PDS5B: variants seen among roughly 807,000 people sequenced by gnomAD.
PDS5B encodes PDS5 cohesin associated factor B.
Under a neutral mutation model 184.1 loss-of-function variants are expected in PDS5B, and 51 were observed. That is an observed-to-expected ratio of 0.28 (90% CI 0.22 to 0.35). PDS5B has a LOEUF of 0.35. Ranked by LOEUF, PDS5B falls within the 10% of genes least tolerant of loss-of-function variation. The pLI is 1.00. For missense variants in PDS5B, 1,180 were observed against 1,723.3 expected (o/e 0.68, Z 5.58); for synonymous variants, 566 against 569.2 (o/e 0.99, Z 0.08).
At chr13:32,604,155 G>T (rs947179481) in intron 1 of PDS5B, among the ~76,000 whole-genome samples, 1 of 152,156 alleles carries the variant, frequency 6.6e-6, no homozygotes, top group African/African-American at 2.4e-5. Context: ...TCTTGTGCCA[G>T]TTTTCGAAGA....
chr13:32,639,542 C>T (rs2058621726), intron 1 of PDS5B, among the ~76,000 whole-genome samples: 1 of 152,100 alleles, frequency 6.6e-6, no homozygotes. Flanking sequence ...GTAAACAGGG[C>T]TTTCAAGTTG....
At chr13:32,743,855 CA>C (rs1339997868) in intron 23 of PDS5B, among the ~76,000 whole-genome samples, 1 of 152,038 alleles carries the variant, frequency 6.6e-6, no homozygotes, top group Non-Finnish European at 1.5e-5. Context: ...TTAGGAGTTA[CA>C]AATAATAAGT....
intron 17 of PDS5B, 68 bp downstream of exon 17, chr13:32,701,506 T>C: frequency 1.1e-6 from 1 of 928,314 alleles, no homozygotes; most frequent in Non-Finnish European, 1.7e-6. Flanking sequence ...AATCAGTCAT[T>C]GTTGAGTGCC....
intron 1 of PDS5B, among the ~76,000 whole-genome samples, chr13:32,625,642 A>T (rs1235289068): frequency 6.6e-6 from 1 of 152,088 alleles, no homozygotes; most frequent in Non-Finnish European, 1.5e-5. Context: ...ATAATTTCTT[A>T]GGCTAGAGTT....
intron 18 of PDS5B, among the ~76,000 whole-genome samples, chr13:32,708,577 C>G (rs892224768): frequency 6.6e-6 from 1 of 152,086 alleles, no homozygotes; most frequent in African/African-American, 2.4e-5. Context: ...TATATAATCC[C>G]ATCAGTAGTA....
intron 1 of PDS5B, among the ~76,000 whole-genome samples, chr13:32,606,619 G>A (rs540836186): frequency 1.8e-4 from 28 of 152,234 alleles, no homozygotes; most frequent in African/African-American, 5.1e-4. Context: ...GGCCTGCCTC[G>A]CTAGGTTGGG....
chr13:32,765,665 AC>A (rs1954560730), intron 31 of PDS5B, among the ~76,000 whole-genome samples: 1 of 152,192 alleles, frequency 6.6e-6, no homozygotes, highest in East Asian at 1.9e-4. Flanking sequence ...GTGCAGTGGC[AC>A]GATCTGGGCT....
chr13:32,673,832 A>G (rs1452293723), intron 8 of PDS5B, among the ~76,000 whole-genome samples: 2 of 150,694 alleles, frequency 1.3e-5, no homozygotes, highest in Admixed American at 6.6e-5. Context: ...TTTTTTTGAG[A>G]CAGGATTTTT....
chr13:32,674,027 C>G (rs1320084956), intron 8 of PDS5B, among the ~76,000 whole-genome samples: 2 of 151,946 alleles, frequency 1.3e-5, no homozygotes, highest in Non-Finnish European at 2.9e-5. Flanking sequence ...GTTGGCCAGG[C>G]TGATTTCAAA....
intron 11 of PDS5B, among the ~76,000 whole-genome samples, chr13:32,685,117 A>AAAAACAT (rs1339040630): frequency 6.6e-6 from 1 of 152,226 alleles, no homozygotes; most frequent in Non-Finnish European, 1.5e-5. Flanking sequence ...CCGTCTCAAA[A>AAAAACAT]AAAACATTGT....
chr13:32,732,401 A>G (rs1224133866), intron 20 of PDS5B, among the ~76,000 whole-genome samples, 177 bp downstream of exon 20: 2 of 152,184 alleles, frequency 1.3e-5, no homozygotes, highest in Non-Finnish European at 2.9e-5. Flanking sequence ...TGAGTATTCA[A>G]ATGTTTAATG....
intron 10 of PDS5B, among the ~76,000 whole-genome samples, chr13:32,682,867 G>T (rs1489381939): frequency 6.6e-6 from 1 of 152,088 alleles, no homozygotes; most frequent in Non-Finnish European, 1.5e-5. Flanking sequence ...ATAAGCTTGT[G>T]TATTGTTTTC....
At position 32,678,926 on chromosome 13, in the gene PDS5B, A is replaced by T; in HGVS notation, c.1054A>T (p.Thr352Ser). ...CCATCCTGATTTAGCAAAAGACTTA[A>T]CAGGTACTATATATATGTAACAGCA... ...MNHPDLAKDL[T>S]EYLKVRSHDP... is the part of the protein sequence containing the mutation. The change falls in exon 10 of 35, where the codon ACA becomes TCA. Residue 352 changes from threonine to serine, a missense_variant. Thr to Ser is a moderately conservative substitution (Grantham distance 58). Transcript: ENST00000315596. 6.6e-7 allele frequency: 1 copy of T among 1,512,348 alleles called. No homozygotes were observed. The highest frequency in any genetic ancestry group is 9.2e-7 in the Non-Finnish European group (1 of 1,087,236). 93.7% of individuals were successfully genotyped at this position (1,512,348 alleles called of 1,614,324 possible).
intron 14 of PDS5B, among the ~76,000 whole-genome samples, chr13:32,695,716 C>G (rs1465973691): frequency 6.6e-6 from 1 of 151,986 alleles, no homozygotes; most frequent in Non-Finnish European, 1.5e-5. Flanking sequence ...TTGATTCTCA[C>G]TGTTCCTCTA....
At chr13:32,734,260 C>T (rs984414512) in intron 20 of PDS5B, among the ~76,000 whole-genome samples, 2 of 152,066 alleles carry the variant, frequency 1.3e-5, no homozygotes, top group African/African-American at 4.8e-5. Flanking sequence ...CTCCTGACCT[C>T]AGGTGATCTG....
intron 17 of PDS5B, among the ~76,000 whole-genome samples, chr13:32,703,128 A>G (rs1951910241): frequency 6.6e-6 from 1 of 152,136 alleles, no homozygotes; most frequent in African/African-American, 2.4e-5. Flanking sequence ...TGTGCTTCCT[A>G]CTTGTACATG....
At chr13:32,621,972 A>G (rs1216909675) in intron 1 of PDS5B, among the ~76,000 whole-genome samples, 2 of 151,994 alleles carry the variant, frequency 1.3e-5, no homozygotes, top group Non-Finnish European at 2.9e-5. Flanking sequence ...TATTTCTTTT[A>G]ATCTCTGTAT....
chr13:32,759,745 A>G (rs771998747), intron 29 of PDS5B, 55 bp downstream of exon 29: 3 of 782,418 alleles, frequency 3.8e-6, no homozygotes, highest in Non-Finnish European at 6.2e-6. Flanking sequence ...TAGAGTGATT[A>G]TTGGCAAAAT....
chr13:32,598,709 GTCATTTT>G (rs552385555), intron 1 of PDS5B, among the ~76,000 whole-genome samples: 49 of 148,868 alleles, frequency 3.3e-4, no homozygotes, highest in Non-Finnish European at 6.8e-4. Flanking sequence ...ATATTTTACT[GTCATTTT>G]TCAAGGATAT....
Sources: allele counts gnomAD v4.1 joint callset (sites outside exome capture counted in the v4.1 genomes callset), GRCh38; gene constraint gnomAD v4.1.1; transcripts MANE v1.5; gene names NCBI Gene and HGNC (gene_info 2026-07-23, HGNC 2026-07-21).